Variants in ITGBL1 observed in about 807,000 individuals in gnomAD.
The protein encoded by ITGBL1 is integrin beta-like protein 1.
In ITGBL1, 51 loss-of-function variants were observed where a neutral mutation model predicts 68.5. That is an observed-to-expected ratio of 0.74 (90% CI 0.59 to 0.94). The LOEUF is 0.94. Ranked by LOEUF, ITGBL1 falls within the 40% of genes least tolerant of loss-of-function variation. The probability of loss-of-function intolerance (pLI) is 0.00; values close to 1 mark genes in which losing one functional copy is unlikely to be tolerated. For missense variants in ITGBL1, 649 were observed against 647.4 expected (o/e 1.00, Z -0.03); for synonymous variants, 209 against 227.3 (o/e 0.92, Z 0.72).
At chr13:101,462,631 G>T (rs1438482598) in intron 2 of ITGBL1, among the ~76,000 whole-genome samples, 1 of 152,096 alleles carries the variant, frequency 6.6e-6, no homozygotes, top group Non-Finnish European at 1.5e-5. Context: ...TGCCGAGGCT[G>T]GAGTGCAGTG....
At chr13:101,512,496 A>G (rs1168433313) in intron 2 of ITGBL1, among the ~76,000 whole-genome samples, 1 of 152,196 alleles carries the variant, frequency 6.6e-6, no homozygotes, top group Non-Finnish European at 1.5e-5. Context: ...TAGTGAACAA[A>G]TGGTTAGGTA....
chr13:101,604,887 T>TATATACACACACATACATACACAC, intron 7 of ITGBL1, among the ~76,000 whole-genome samples: 1 of 22,164 alleles, frequency 4.5e-5, no homozygotes, highest in Non-Finnish European at 8.2e-5. Flanking sequence ...TATATATATA[T>TATATACACACACATACATACACAC]ACACACACAC....
rs2034721704 is a variant in ITGBL1 at position 101,716,369 on chromosome 13, AAAG to A, written c.*720_*722del. The A allele has an allele frequency of 6.6e-6, 1 of 152,140 alleles. No individual in the cohort carries two copies. Among genetic ancestry groups the A allele is most frequent in the African/African-American group, 2.4e-5 (1 of 41,442 alleles). 9.4% of individuals were successfully genotyped at this position (152,140 alleles called of 1,614,324 possible). The stretch of plus-strand genomic sequence containing the variant: ...TGTCTACTCTCACTTTAAACTCACC[AAAG>A]AAGATTCTCTTAAAGAAATTATGAA... On this transcript the variant is annotated 3_prime_UTR_variant, in exon 11 of 11. Coordinates refer to ENST00000376180, the MANE Select transcript of ITGBL1 (RefSeq NM_004791.3).
chr13:101,715,301 C>A, intron 10 of ITGBL1: 1 of 367,654 alleles, frequency 2.7e-6, no homozygotes. Flanking sequence ...AAATTGTCAC[C>A]TAAAAGCCTA....
intron 7 of ITGBL1, among the ~76,000 whole-genome samples, chr13:101,675,924 T>C (rs1182052738): frequency 1.3e-5 from 2 of 152,196 alleles, no homozygotes; most frequent in Admixed American, 6.5e-5. Context: ...TTTCCTTCTG[T>C]GTCTAGTCTA....
chr13:101,539,440 T>C lies in ITGBL1; in HGVS notation c.317-28259T>C, dbSNP rs143517738. Reference sequence around the variant, plus strand: ...TGTATATGTGCCACATTTTTTTAATTCAGTCTATAATTGTTGGACATTTGG... The same window carrying C: ...TGTATATGTGCCACATTTTTTTAATCCAGTCTATAATTGTTGGACATTTGG... On this transcript the variant is annotated intron_variant, in intron 2 of 10. Transcript: ENST00000376180. Among the ~76,000 whole-genome samples the C allele has an allele frequency of 9.3e-3, 1,412 of 152,168 alleles. 8 individuals carry two copies. The highest frequency in any genetic ancestry group is 0.037 in the Middle Eastern group (11 of 294).
At chr13:101,598,100 C>T in intron 6 of ITGBL1, 53 bp from the exon 7 acceptor site, 2 of 1,496,864 alleles carry the variant, frequency 1.3e-6, no homozygotes, top group South Asian at 2.6e-5. Context: ...AAACTAATTC[C>T]AACTTCATTA....
intron 6 of ITGBL1, among the ~76,000 whole-genome samples, chr13:101,591,859 G>A (rs1375071072): frequency 2.6e-5 from 4 of 152,092 alleles, no homozygotes; most frequent in Admixed American, 6.6e-5. Flanking sequence ...GTAGCTTCAT[G>A]TTTATTAGGA....
At chr13:101,502,852 C>T (rs2048965440) in intron 2 of ITGBL1, among the ~76,000 whole-genome samples, 1 of 152,132 alleles carries the variant, frequency 6.6e-6, no homozygotes, top group South Asian at 2.1e-4. Context: ...ATGTTTCTTT[C>T]TACATCAGTC....
chr13:101,552,107 A>G (rs528688401), intron 2 of ITGBL1, among the ~76,000 whole-genome samples: 1 of 152,310 alleles, frequency 6.6e-6, no homozygotes, highest in East Asian at 1.9e-4. Context: ...TGGCCACTCT[A>G]GCAACCTTTC....
intron 2 of ITGBL1, among the ~76,000 whole-genome samples, chr13:101,509,917 AAC>A (rs1474003426): frequency 6.6e-6 from 1 of 152,152 alleles, no homozygotes; most frequent in African/African-American, 2.4e-5. Context: ...TACTTAATTC[AAC>A]AGAGTGCCTT....
At chr13:101,654,768 C>G (rs1282458690) in intron 7 of ITGBL1, among the ~76,000 whole-genome samples, 2 of 152,054 alleles carry the variant, frequency 1.3e-5, no homozygotes, top group African/African-American at 2.4e-5. Context: ...CGGTGTAAAG[C>G]TCTGGGCCTG....
At chr13:101,564,842 T>C (rs1164437899) in intron 2 of ITGBL1, among the ~76,000 whole-genome samples, 1 of 151,362 alleles carries the variant, frequency 6.6e-6, no homozygotes, top group Non-Finnish European at 1.5e-5. Context: ...CAAAAGAAGA[T>C]AGATGTCCCT....
At chr13:101,625,834 G>A (rs1446902582) in intron 7 of ITGBL1, among the ~76,000 whole-genome samples, 2 of 152,122 alleles carry the variant, frequency 1.3e-5, no homozygotes, top group Admixed American at 6.5e-5. Flanking sequence ...GATTACAGGC[G>A]TGAGCCACCG....
Position 101,579,318 on chromosome 13 carries a change from C to CT in ITGBL1, c.619dup (p.Cys207LeufsTer9). On this transcript the variant is annotated frameshift_variant, in exon 5 of 11. Transcript: ENST00000376180. LOFTEE classifies it high-confidence loss of function. The stretch of plus-strand genomic sequence containing the variant: ...GGAAGTGTTACTGTGGAAACTGCTA[C>CT]TGCAAGGCTGGTTGGCATGGAGATA... The CT allele has an allele frequency of 1.2e-6, 2 of 1,613,906 alleles. No individual in the cohort carries two copies. The highest frequency in any genetic ancestry group is 4.5e-5 in the East Asian group (2 of 44,856).
At chr13:101,464,331 T>C (rs1371568589) in intron 2 of ITGBL1, among the ~76,000 whole-genome samples, 1 of 152,178 alleles carries the variant, frequency 6.6e-6, no homozygotes, top group African/African-American at 2.4e-5. Context: ...ACAAGGAGTT[T>C]AGTTATTATT....
At chr13:101,554,992 C>T (rs1185999724) in intron 2 of ITGBL1, among the ~76,000 whole-genome samples, 2 of 152,176 alleles carry the variant, frequency 1.3e-5, no homozygotes, top group African/African-American at 4.8e-5. Context: ...CTTGATTTCA[C>T]TGAAATCCCA....
chr13:101,526,199 A>C (rs2049376141), intron 2 of ITGBL1, among the ~76,000 whole-genome samples: 1 of 147,742 alleles, frequency 6.8e-6, no homozygotes, highest in Non-Finnish European at 1.5e-5. Flanking sequence ...ATACATATGC[A>C]GAACGTGCAA....
intron 2 of ITGBL1, among the ~76,000 whole-genome samples, chr13:101,553,972 C>T (rs1457955040): frequency 6.6e-6 from 1 of 152,066 alleles, no homozygotes; most frequent in Admixed American, 6.6e-5. Flanking sequence ...CGGGTTTTCT[C>T]CATGTTGGTC....
Sources: allele counts gnomAD v4.1 joint callset (sites outside exome capture counted in the v4.1 genomes callset), GRCh38; gene constraint gnomAD v4.1.1; transcripts MANE v1.5; gene names NCBI Gene and HGNC (gene_info 2026-07-23, HGNC 2026-07-21).